PKHD1L1: variants seen among roughly 807,000 people sequenced by gnomAD.
The protein encoded by PKHD1L1 is fibrocystin-L.
PKHD1L1 carries 434 observed loss-of-function variants against 462.9 expected under a neutral mutation model. That is an observed-to-expected ratio of 0.94 (90% CI 0.87 to 1.02). PKHD1L1 has a LOEUF of 1.02. Among genes scored for constraint, PKHD1L1 ranks in the 50% least tolerant of loss-of-function variants. The pLI is 0.00. For missense variants in PKHD1L1, 5,202 were observed against 5,096.1 expected (o/e 1.02, Z -0.63); for synonymous variants, 1,781 against 1,750.0 (o/e 1.02, Z -0.44).
chr8:109,376,904 G>T (rs1001609589), intron 2 of PKHD1L1, among the ~76,000 whole-genome samples: 2 of 152,170 alleles, frequency 1.3e-5, no homozygotes, highest in Admixed American at 1.3e-4. Context: ...AAGGTCCAAA[G>T]CCTGGGCCTT....
At chr8:109,409,126 G>T (rs368717249) in intron 18 of PKHD1L1, among the ~76,000 whole-genome samples, 1 of 152,190 alleles carries the variant, frequency 6.6e-6, no homozygotes, top group African/African-American at 2.4e-5. Flanking sequence ...TTATTTCTGT[G>T]CTTTGCTGGA....
intron 20 of PKHD1L1, 74 bp downstream of exon 20, chr8:109,412,488 A>ACAAG (rs1813909459): frequency 7.1e-7 from 1 of 1,409,962 alleles, no homozygotes; most frequent in East Asian, 2.5e-5. Flanking sequence ...AAATTTTAAG[A>ACAAG]CAAGAAAAAA....
chr8:109,368,545 T>C (rs1811340266), intron 2 of PKHD1L1, among the ~76,000 whole-genome samples: 1 of 152,214 alleles, frequency 6.6e-6, no homozygotes, highest in Non-Finnish European at 1.5e-5. Flanking sequence ...TGCATTTATG[T>C]TATAGGTCTG....
intron 32 of PKHD1L1, among the ~76,000 whole-genome samples, chr8:109,440,302 A>G (rs1815702938): frequency 6.6e-6 from 1 of 152,122 alleles, no homozygotes; most frequent in South Asian, 2.1e-4. Context: ...TAATTATACA[A>G]AACTTTGATT....
At chr8:109,481,405 G>A in intron 55 of PKHD1L1, 28 bp from the exon 56 acceptor site, 18 of 1,541,618 alleles carry the variant, frequency 1.2e-5, no homozygotes, top group Non-Finnish European at 1.4e-5. Context: ...CAATTTTTAA[G>A]TATTAACAAT....
intron 2 of PKHD1L1, among the ~76,000 whole-genome samples, chr8:109,370,079 C>A (rs1055375617): frequency 6.6e-6 from 1 of 152,170 alleles, no homozygotes; most frequent in East Asian, 1.9e-4. Context: ...AGCCTGGGTT[C>A]GAATCCCGGC....
At chr8:109,526,128 A>C (rs1167213425) in intron 76 of PKHD1L1, among the ~76,000 whole-genome samples, 1 of 152,206 alleles carries the variant, frequency 6.6e-6, no homozygotes, top group East Asian at 1.9e-4. Context: ...AGATTAAATA[A>C]TATTGGATGA....
chr8:109,412,192 T>G, intron 19 of PKHD1L1, 73 bp from the exon 20 acceptor site: 2 of 1,515,660 alleles, frequency 1.3e-6, no homozygotes, highest in Non-Finnish European at 1.8e-6. Context: ...CCTTGAGTGG[T>G]TTGGGTGCAC....
intron 67 of PKHD1L1, among the ~76,000 whole-genome samples, chr8:109,501,843 C>T (rs935476614): frequency 1.3e-5 from 2 of 151,988 alleles, no homozygotes. Flanking sequence ...AAATAGCATG[C>T]CTTTTATACC....
intron 63 of PKHD1L1, among the ~76,000 whole-genome samples, chr8:109,496,067 T>A (rs920053630): frequency 6.6e-6 from 1 of 152,286 alleles, no homozygotes; most frequent in Non-Finnish European, 1.5e-5. Flanking sequence ...GAAACTAAGT[T>A]CCTAAAAGGT....
At chr8:109,421,545 G>A (rs938160718) in intron 23 of PKHD1L1, among the ~76,000 whole-genome samples, 9 of 152,136 alleles carry the variant, frequency 5.9e-5, no homozygotes, top group African/African-American at 1.2e-4. Flanking sequence ...CACTTTGGGA[G>A]GCCGAGACGG....
chr8:109,458,907 A>G (rs1816963359), intron 46 of PKHD1L1, among the ~76,000 whole-genome samples: 1 of 152,154 alleles, frequency 6.6e-6, no homozygotes, highest in African/African-American at 2.4e-5. Context: ...TAGAACCTCA[A>G]TAAATGTTTG....
chr8:109,372,716 G>T (rs986396578), intron 2 of PKHD1L1, among the ~76,000 whole-genome samples: 2 of 152,074 alleles, frequency 1.3e-5, no homozygotes, highest in Non-Finnish European at 1.5e-5. Flanking sequence ...TAACATGAAG[G>T]GTTGTTGAAT....
Position 109,515,164 on chromosome 8 carries a change from T to C in PKHD1L1, c.11554-6T>C, listed in dbSNP as rs374182799. On this transcript the variant is annotated splice_polypyrimidine_tract_variant and splice_region_variant and intron_variant, in intron 71 of 77. Coordinates refer to ENST00000378402, the MANE Select transcript of PKHD1L1 (RefSeq NM_177531.6). ...TGCTTTCTTAAAACTTTTTTTTCTTTAATAGGCTGTTCTAGTAGGAATTTT... is the reference window on the plus strand; with the variant it reads ...TGCTTTCTTAAAACTTTTTTTTCTTCAATAGGCTGTTCTAGTAGGAATTTT... 2 of 1,563,420 alleles carry C rather than the reference T, an allele frequency of 1.3e-6. No individual in the cohort carries two copies. Among genetic ancestry groups the C allele is most frequent in the Non-Finnish European group, 1.7e-6 (2 of 1,155,492 alleles).
intron 71 of PKHD1L1, 132 bp from the exon 72 acceptor site, chr8:109,515,038 T>C: frequency 4.6e-6 from 3 of 658,144 alleles, no homozygotes; most frequent in Non-Finnish European, 7.0e-6. Flanking sequence ...TTTTAGTTCA[T>C]CCCTTATCCC....
intron 70 of PKHD1L1, among the ~76,000 whole-genome samples, chr8:109,510,123 A>G (rs1216241673): frequency 6.6e-6 from 1 of 152,152 alleles, no homozygotes; most frequent in Non-Finnish European, 1.5e-5. Context: ...AATAGTCATA[A>G]CTGTCAACAA....
At position 109,443,672 on chromosome 8, in the gene PKHD1L1, A is replaced by G. The variant is rs1240196717; in HGVS notation, c.4565-4A>G. On this transcript the variant is annotated splice_region_variant and splice_polypyrimidine_tract_variant and intron_variant, in intron 36 of 77. Coordinates refer to ENST00000378402, the MANE Select transcript of PKHD1L1 (RefSeq NM_177531.6). ...GACTTAACGGGCAGTTCTTTTGTCTAAAGGAGGACCTGAGAATTTGCACTT... is the reference window on the plus strand; with the variant it reads ...GACTTAACGGGCAGTTCTTTTGTCTGAAGGAGGACCTGAGAATTTGCACTT... 1 of 1,607,412 alleles carries G rather than the reference A, an allele frequency of 6.2e-7. No homozygotes were observed. The highest frequency in any genetic ancestry group is 1.7e-5 in the Admixed American group (1 of 58,732).
Position 109,464,456 on chromosome 8 carries a change from T to G in PKHD1L1, c.7624T>G (p.Leu2542Val), listed in dbSNP as rs200796321. The change falls in exon 49 of 78, where the codon TTG (leucine) becomes GTG (valine). Residue 2542 changes from leucine (L) to valine (V), a missense_variant. Physicochemically the swap from Leu to Val is conservative, Grantham distance 32. Around this residue, in one of 3 missense-constraint regions of PKHD1L1, gnomAD observed 4,497 missense variants for 4,336.8 expected, o/e 1.04. Transcript: ENST00000378402. ...ACATGGCAATATCCTCCAGTATAAC[T>G]TGGCAGTATTTGTACAGCAAAGTAC... ...IEHGNILQYN[L>V]AVFVQQSTSL... is the part of the protein sequence containing the mutation. 1 of 1,613,710 alleles carries G rather than the reference T, an allele frequency of 6.2e-7. No individual in the cohort carries two copies. The highest frequency in any genetic ancestry group is 8.5e-7 in the Non-Finnish European group (1 of 1,179,762).
chr8:109,470,002 G>T (rs1817639987), intron 50 of PKHD1L1: 2 of 333,460 alleles, frequency 6.0e-6, no homozygotes, highest in South Asian at 2.6e-4. Flanking sequence ...ATACTTTATG[G>T]CATACCTGTG....
Sources: allele counts gnomAD v4.1 joint callset (sites outside exome capture counted in the v4.1 genomes callset), GRCh38; gene constraint gnomAD v4.1.1; regional missense constraint gnomAD v4.1.1; transcripts MANE v1.5; gene names NCBI Gene and HGNC (gene_info 2026-07-23, HGNC 2026-07-21).